The following ANAPC2 variants were observed in gnomAD, a reference collection of about 807,000 sequenced individuals.
The protein encoded by ANAPC2 is anaphase-promoting complex subunit 2.
ANAPC2 carries 29 observed loss-of-function variants against 84.3 expected under a neutral mutation model. The observed-to-expected ratio is 0.34, with a 90% CI of 0.26 to 0.47. The LOEUF (loss-of-function observed/expected upper bound fraction) is 0.47. ANAPC2 is among the 20% of genes least tolerant of loss of function. The pLI is 1.00. For synonymous variants in ANAPC2, 571 were observed against 479.4 expected, an observed-to-expected ratio of 1.19 and a Z score of -2.50; for missense variants, 857 against 1,131.7, an observed-to-expected ratio of 0.76 and a Z score of 3.48.
At chr9:137,184,885 G>C in intron 4 of ANAPC2, 28 bp downstream of exon 4, 1 of 1,607,378 alleles carries the variant, frequency 6.2e-7, no homozygotes. Flanking sequence ...AGACGGGAGA[G>C]CGGACCCCAG....
chr9:137,185,056 T>C lies in ANAPC2; in HGVS notation c.905A>G (p.Lys302Arg), dbSNP rs761567124. The part of the protein sequence containing the change: ...WIERVVGWLG[K>R]VFLQDGPARP... ...GGCGGGGCCGTCCTGCAGGAACACCTTGCCGAGCCAGCCGACCACCCGCTC... is the reference window on the plus strand; with the variant it reads ...GGCGGGGCCGTCCTGCAGGAACACCCTGCCGAGCCAGCCGACCACCCGCTC... Residue 302 changes from lysine to arginine, a missense_variant, in exon 4 of 13, where the codon AAG (lysine) becomes AGG (arginine). Physicochemically the swap from Lys to Arg is conservative, Grantham distance 26. Transcript: ENST00000323927. 36 of 1,556,362 alleles carry C rather than the reference T, an allele frequency of 2.3e-5. No homozygotes were observed. Among genetic ancestry groups the C allele is most frequent in the Non-Finnish European group, 3.5e-6 (4 of 1,153,664 alleles).
intron 7 of ANAPC2, 98 bp from the exon 8 acceptor site, chr9:137,181,027 A>G (rs1834331106): frequency 6.7e-7 from 1 of 1,493,138 alleles, no homozygotes; most frequent in Non-Finnish European, 9.1e-7. Flanking sequence ...ACAGCCCAGC[A>G]TGGCTCTTCC....
chr9:137,183,494 C>T lies in ANAPC2; in HGVS notation c.1168+178G>A, dbSNP rs1018079668. 1.1e-5 allele frequency: 11 copies of T among 1,020,468 alleles called. No individual in the cohort carries two copies. In the Admixed American group the frequency reaches 2.0e-4, roughly 19 times the overall value. The allele number at this position is 1,020,468 out of a possible 1,614,324, so 63.2% of individuals were successfully genotyped here. The stretch of plus-strand genomic sequence containing the variant: ...GTCCTGACTCCCTCCAAAGAAGAAA[C>T]AAGCAAGCTGACGGGCACCTCAGAT... On this transcript the variant is annotated intron_variant, in intron 5 of 12. Transcript: ENST00000323927.
chr9:137,188,550 G>A lies in ANAPC2; in HGVS notation c.-18C>T, dbSNP rs562403249. 5.6e-6 allele frequency: 9 copies of A among 1,598,502 alleles called. No individual in the cohort carries two copies. Among genetic ancestry groups the A allele is most frequent in the Middle Eastern group, 1.7e-4 (1 of 5,776 alleles). ...GCCGCCATCTGCACCCACCGACTCC[G>A]AGATTCGCTCGGCGCGGCGCGCGGC... On this transcript the variant is annotated 5_prime_UTR_variant, in exon 1 of 13. Coordinates refer to ENST00000323927, the MANE Select transcript of ANAPC2 (RefSeq NM_013366.4).
At chr9:137,180,146 C>G in intron 10 of ANAPC2, 35 bp downstream of exon 10, 1 of 1,602,420 alleles carries the variant, frequency 6.2e-7, no homozygotes, top group Non-Finnish European at 8.5e-7. Context: ...GGTAGGGGTG[C>G]CAAGAGCCCA....
intron 10 of ANAPC2, 150 bp downstream of exon 10, chr9:137,180,031 C>T: frequency 1.2e-6 from 1 of 836,592 alleles, no homozygotes; most frequent in Non-Finnish European, 1.8e-6. Flanking sequence ...GCCAGGCCCA[C>T]TCCCTCTCCT....
At position 137,175,458 on chromosome 9, in the gene ANAPC2, C is replaced by A; in HGVS notation, c.2035G>T (p.Glu679Ter). The A allele has an allele frequency of 6.3e-7, 1 of 1,581,026 alleles. No homozygotes were observed. The highest frequency in any genetic ancestry group is 8.6e-7 in the Non-Finnish European group (1 of 1,165,124). ...YFQDQASWTLEELSKAVKMPV... is the reference protein window; with the variant it reads ...YFQDQASWTL ...ATCTTCACCGCCTTGCTCAGTTCCT[C>A]CAGGGTCCAGCTGGCTGCGTGCAGA... The change falls in exon 12 of 13, where the codon GAG becomes TAG. Residue 679 changes from glutamate to a stop codon, truncating the protein, a stop_gained. Transcript: ENST00000323927. LOFTEE classifies it high-confidence loss of function.
Position 137,174,878 on chromosome 9 carries a change from C to G in ANAPC2, c.*64G>C. ...TGGGACACGGGCGGGCGGGGGCTGG[C>G]ACGGGAGGACGAGAGCACCTGCAGG... On this transcript the variant is annotated 3_prime_UTR_variant, in exon 13 of 13. Transcript: ENST00000323927. This position sits in a 1 kb window ranked among gnomAD's most constrained non-coding sequence, Gnocchi z 6.1. 2 of 1,425,038 alleles carry G rather than the reference C, an allele frequency of 1.4e-6. No individual in the cohort carries two copies. The highest frequency in any genetic ancestry group is 1.8e-6 in the Non-Finnish European group (2 of 1,090,456). 88.3% of individuals were successfully genotyped at this position (1,425,038 alleles called of 1,614,324 possible). A position where few individuals can be genotyped will look rare whatever the true frequency, so the allele number is the denominator to read the frequency against.
chr9:137,183,377 C>A, intron 5 of ANAPC2, 135 bp from the exon 6 acceptor site: 1 of 822,776 alleles, frequency 1.2e-6, no homozygotes, highest in Non-Finnish European at 2.0e-6. Flanking sequence ...CCCTTGTCCC[C>A]CCATCCCCAC....
Position 137,181,168 on chromosome 9 carries a change from G to A in ANAPC2, c.1469-239C>T, listed in dbSNP as rs1051864567. ...TTCCGGGACTCCCATGCAGGCTTAG[G>A]GGACAAGCCAAAGGTCCTGGGGTTT... On this transcript the variant is annotated intron_variant, in intron 7 of 12. Transcript: ENST00000323927. Among the ~76,000 whole-genome samples the A allele has an allele frequency of 2.0e-5, 3 of 152,340 alleles. No homozygotes were observed. The East Asian group carries it at 5.8e-4, about 29-fold the overall frequency.
chr9:137,181,593 G>C, intron 7 of ANAPC2, 88 bp downstream of exon 7: 1 of 1,361,566 alleles, frequency 7.3e-7, no homozygotes, highest in Non-Finnish European at 9.7e-7. Context: ...ACACAGCCAA[G>C]CTCTGTGACA....
chr9:137,174,975 G>T lies in ANAPC2; in HGVS notation c.2436C>A (p.Ala812=), dbSNP rs749608183. Reference sequence around the variant, plus strand: ...AGTTCTTGGGCAGGCGGTAGACGCCGGCCGAGTAGACGAGCTGCTGGTCCC... The same window carrying T: ...AGTTCTTGGGCAGGCGGTAGACGCCTGCCGAGTAGACGAGCTGCTGGTCCC... ...KVRDQQLVYS[A]GVYRLPKNCS Residue 812 remains alanine, a synonymous_variant, in exon 13 of 13, where the codon GCC becomes GCA. Transcript: ENST00000323927. The surrounding 1 kb of genome is among the most constrained non-coding windows in gnomAD (Gnocchi z 6.1). The T allele has an allele frequency of 1.3e-6, 2 of 1,594,678 alleles. No homozygotes were observed. The highest frequency in any genetic ancestry group is 1.1e-5 in the South Asian group (1 of 88,680).
intron 7 of ANAPC2, 151 bp downstream of exon 7, chr9:137,181,530 G>T: frequency 1.2e-6 from 1 of 849,692 alleles, no homozygotes; most frequent in Non-Finnish European, 1.7e-6. Flanking sequence ...AGGTGGCGGA[G>T]CACTGCCCTG....
At chr9:137,175,593 AG>A in intron 11 of ANAPC2, 114 bp downstream of exon 11, 1 of 1,490,888 alleles carries the variant, frequency 6.7e-7, no homozygotes, top group Non-Finnish European at 9.0e-7. Flanking sequence ...GGGAAAGGGA[AG>A]GGTGCCGCCT....
In ANAPC2 at chr9:137,187,478, C is replaced by T. The variant is rs780117927; in HGVS notation, c.740+3G>A. 1.2e-6 allele frequency: 2 copies of T among 1,603,760 alleles called. No individual in the cohort carries two copies. The highest frequency in any genetic ancestry group is 1.7e-6 in the Non-Finnish European group (2 of 1,172,376). On this transcript the variant is annotated splice_donor_region_variant and intron_variant, in intron 2 of 12. Coordinates refer to ENST00000323927, the MANE Select transcript of ANAPC2 (RefSeq NM_013366.4). ...GGCATGGCCATCGGGACAGACTACT[C>T]ACAAGACCTGGCTGAGCTGATGGAA...
intron 10 of ANAPC2, among the ~76,000 whole-genome samples, chr9:137,177,247 G>C (rs1306700131): frequency 6.6e-6 from 1 of 152,232 alleles, no homozygotes; most frequent in Non-Finnish European, 1.5e-5. Flanking sequence ...GACGGAGCAG[G>C]GGGCCAAAGA....
At chr9:137,184,539 C>G (rs1027979547) in intron 4 of ANAPC2, among the ~76,000 whole-genome samples, 3 of 140,230 alleles carry the variant, frequency 2.1e-5, no homozygotes, top group African/African-American at 8.3e-5. Flanking sequence ...AGCGAAGGCC[C>G]TGGGAGCCCC....
Position 137,185,025 on chromosome 9 carries a change from G to A in ANAPC2, c.936C>T (p.Pro312=), listed in dbSNP as rs140326719. The A allele has an allele frequency of 4.6e-3, 7,335 of 1,587,498 alleles. 22 individuals carry two copies. The highest frequency in any genetic ancestry group is 5.8e-3 in the Non-Finnish European group (6,726 of 1,168,970). Residue 312 remains proline (P), a synonymous_variant, in exon 4 of 13, where the codon CCC becomes CCT. Transcript: ENST00000323927. ...GGGTGTTGCCGGCCTCGGGAGATGC[G>A]GGCCTGGCGGGGCCGTCCTGCAGGA... ...KVFLQDGPAR[P]ASPEAGNTLR...
At position 137,186,098 on chromosome 9, in the gene ANAPC2, G is replaced by A; in HGVS notation, c.873+126C>T. 3.6e-6 allele frequency: 5 copies of A among 1,378,240 alleles called. 1 individual carries two copies. The highest frequency in any genetic ancestry group is 4.9e-6 in the Non-Finnish European group (5 of 1,011,684). The allele number at this position is 1,378,240 out of a possible 1,614,324, so 85.4% of individuals were successfully genotyped here. A position where few individuals can be genotyped will look rare whatever the true frequency, so the allele number is the denominator to read the frequency against. Reference sequence around the variant, plus strand: ...TCTACCCCACATCAAGACAGCTCCAGCCACCACCCGGTCTGGGCCCACCCA... The same window carrying A: ...TCTACCCCACATCAAGACAGCTCCAACCACCACCCGGTCTGGGCCCACCCA... On this transcript the variant is annotated intron_variant, in intron 3 of 12. Transcript: ENST00000323927.
Sources: gnomAD v4.1 joint callset for allele counts (sites outside exome capture counted in the v4.1 genomes callset) on GRCh38, gnomAD v4.1.1 for gene constraint, Gnocchi (gnomAD v3.1) non-coding constraint, MANE v1.5 for transcripts, NCBI Gene and HGNC (gene_info 2026-07-23, HGNC 2026-07-21) for gene names.